The following ZC2HC1C variants were observed in gnomAD, a reference collection of about 807,000 sequenced individuals.
The protein encoded by ZC2HC1C is zinc finger C2HC domain-containing protein 1C.
A neutral mutation model predicts 39.2 loss-of-function variants in ZC2HC1C; 25 were observed. The observed-to-expected ratio is 0.64, with a 90% CI of 0.47 to 0.89. The LOEUF (loss-of-function observed/expected upper bound fraction) is 0.89, where lower values mean the gene tolerates loss of function less well. ZC2HC1C is among the 40% of genes least tolerant of loss of function. The pLI, the probability that ZC2HC1C is intolerant of heterozygous loss-of-function variation, is 0.00. For synonymous variants in ZC2HC1C, 209 were observed against 214.4 expected, an observed-to-expected ratio of 0.97 and a Z score of 0.22; for missense variants, 519 against 548.6, an observed-to-expected ratio of 0.95 and a Z score of 0.54.
At position 75,078,031 on chromosome 14, in the gene ZC2HC1C, T is replaced by C. The variant is rs3742776; in HGVS notation, c.*467T>C. 2.5e-4 allele frequency: 43 copies of C among 168,792 alleles called. No homozygotes were observed. The East Asian group carries it at 6.5e-3, about 26-fold the overall frequency. 10.5% of individuals were successfully genotyped at this position (168,792 alleles called of 1,614,324 possible). Reference sequence around the variant, plus strand: ...ATGCTTTATGTTATTGCCCTCAGAATTGATGGGTGAAGACACTGAAGAGTC... The same window carrying C: ...ATGCTTTATGTTATTGCCCTCAGAACTGATGGGTGAAGACACTGAAGAGTC... On this transcript the variant is annotated 3_prime_UTR_variant, in exon 3 of 3. Coordinates refer to ENST00000524913, the MANE Select transcript of ZC2HC1C (RefSeq NM_024643.4).
chr14:75,071,694 C>T lies in ZC2HC1C; in HGVS notation c.1121C>T (p.Pro374Leu). 1.2e-6 allele frequency: 2 copies of T among 1,614,150 alleles called. No homozygotes were observed. Among genetic ancestry groups the T allele is most frequent in the African/African-American group, 1.3e-5 (1 of 75,062 alleles). Residue 374 changes from proline (P) to leucine (L), a missense_variant, in exon 2 of 3, where the codon CCA (proline) becomes CTA (leucine). Pro to Leu is a moderately conservative substitution (Grantham distance 98). Coordinates refer to ENST00000524913, the MANE Select transcript of ZC2HC1C (RefSeq NM_024643.4). ...AGAAATTCCAGCCTGTCCATGGCAC[C>T]AGACTCCTCAGGTTCCAGCGGCTCC... ...SARNSSLSMA[P>L]DSSGSSGSIE... is the part of the protein sequence containing the mutation.
intron 2 of ZC2HC1C, among the ~76,000 whole-genome samples, chr14:75,074,198 G>A (rs1368892544): frequency 1.3e-5 from 2 of 152,144 alleles, no homozygotes; most frequent in Non-Finnish European, 2.9e-5. Context: ...ATGAGCCACC[G>A]TGCCTGGTCT....
intron 1 of ZC2HC1C, 94 bp from the exon 2 acceptor site, chr14:75,070,461 G>A: frequency 2.1e-6 from 3 of 1,431,126 alleles, no homozygotes; most frequent in Non-Finnish European, 2.8e-6. Flanking sequence ...TTAAGGGAAT[G>A]TGGGCAGGGC....
chr14:75,076,801 T>TA (rs1212566783), intron 2 of ZC2HC1C, among the ~76,000 whole-genome samples: 2 of 152,216 alleles, frequency 1.3e-5, no homozygotes, highest in African/African-American at 4.8e-5. Flanking sequence ...TTTTTCTTGT[T>TA]AGAGCTTTTA....
intron 2 of ZC2HC1C, among the ~76,000 whole-genome samples, chr14:75,075,925 C>T (rs948838176): frequency 9.9e-5 from 15 of 152,048 alleles, no homozygotes; most frequent in Admixed American, 5.9e-4. Flanking sequence ...GGCGTGGTGG[C>T]GCACGCCTGT....
At position 75,071,749 on chromosome 14, in the gene ZC2HC1C, C is replaced by G. The variant is rs1893433062; in HGVS notation, c.1176C>G (p.Ser392Arg). 6.2e-7 allele frequency: 1 copy of G among 1,614,182 alleles called. No homozygotes were observed. Among genetic ancestry groups the G allele is most frequent in the South Asian group, 1.1e-5 (1 of 91,082 alleles). Reference protein sequence around the residue: ...SIEEPQLGECSHCGRKFLSFR... With the variant: ...SIEEPQLGECRHCGRKFLSFR... ...AAGAGCCACAGCTGGGTGAGTGCAG[C>G]CACTGTGGGCGCAAATTCCTCTCGT... The change falls in exon 2 of 3, where the codon AGC (serine) becomes AGG (arginine). Residue 392 changes from serine to arginine, a missense_variant. Coordinates refer to ENST00000524913, the MANE Select transcript of ZC2HC1C (RefSeq NM_024643.4).
chr14:75,074,359 A>T (rs2139681902), intron 2 of ZC2HC1C, among the ~76,000 whole-genome samples: 1 of 152,216 alleles, frequency 6.6e-6, no homozygotes, highest in South Asian at 2.1e-4. Context: ...GATCACCAAG[A>T]GCTAGTTGTC....
At chr14:75,070,406 G>T in intron 1 of ZC2HC1C, 149 bp from the exon 2 acceptor site, 1 of 961,238 alleles carries the variant, frequency 1.0e-6, no homozygotes. Context: ...AATGGTTTTT[G>T]AAGGGAAGCT....
intron 1 of ZC2HC1C, among the ~76,000 whole-genome samples, chr14:75,070,127 C>A (rs1005526608): frequency 3.3e-5 from 5 of 152,270 alleles, no homozygotes; most frequent in African/African-American, 1.2e-4. Context: ...AGCTTTCTCA[C>A]CTGTAAAATG....
intron 2 of ZC2HC1C, among the ~76,000 whole-genome samples, chr14:75,075,654 T>C (rs1019731791): frequency 6.6e-6 from 1 of 152,260 alleles, no homozygotes; most frequent in Non-Finnish European, 1.5e-5. Flanking sequence ...TCTATTTATT[T>C]TGAAATTCTG....
In ZC2HC1C at chr14:75,071,885, A is replaced by C; in HGVS notation, c.1312A>C (p.Asn438His). ...AKGTELEQYL[N>H]WKGPASAKAE... ...GGGCACAGAACTAGAGCAGTACTTG[A>C]ACTGGAAGGGGCCAGCTTCAGCCAA... The change falls in exon 2 of 3, where the codon AAC becomes CAC. Residue 438 changes from asparagine to histidine, a missense_variant. Asn to His is a moderately conservative substitution (Grantham distance 68). Transcript: ENST00000524913. The C allele has an allele frequency of 6.2e-6, 10 of 1,604,294 alleles. No individual in the cohort carries two copies. Among genetic ancestry groups the C allele is most frequent in the African/African-American group, 1.3e-5 (1 of 74,620 alleles).
In ZC2HC1C at chr14:75,071,326, A is replaced by C. The variant is rs1893395008; in HGVS notation, c.753A>C (p.Gln251His). ...TEEELRRIQT[Q>H]KEQAKENENG... The stretch of plus-strand genomic sequence containing the variant: ...AGGAACTCAGAAGGATCCAGACGCA[A>C]AAGGAACAGGCCAAGGAAAATGAAA... The change falls in exon 2 of 3, where the codon CAA becomes CAC. Residue 251 changes from glutamine (Q) to histidine (H), a missense_variant. Transcript: ENST00000524913. 6.2e-7 allele frequency: 1 copy of C among 1,614,062 alleles called. No homozygotes were observed. Among genetic ancestry groups the C allele is most frequent in the Non-Finnish European group, 8.5e-7 (1 of 1,180,024 alleles).
rs958555485 is a variant in ZC2HC1C at position 75,071,731 on chromosome 14, A to C, written c.1158A>C (p.Pro386=). Residue 386 remains proline (P), a synonymous_variant, in exon 2 of 3, where the codon CCA becomes CCC. Transcript: ENST00000524913. ...SSGSSGSIEE[P]QLGECSHCGR... ...GTTCCAGCGGCTCCATTGAAGAGCC[A>C]CAGCTGGGTGAGTGCAGCCACTGTG... is the stretch of plus-strand genomic sequence containing the variant. 10 of 1,614,098 alleles carry C rather than the reference A, an allele frequency of 6.2e-6. No homozygotes were observed. Among genetic ancestry groups the C allele is most frequent in the Non-Finnish European group, 8.5e-6 (10 of 1,180,038 alleles).
In ZC2HC1C at chr14:75,079,591, T is replaced by C. The variant is rs1893809522; in HGVS notation, c.*2027T>C. 6.6e-6 allele frequency: 1 copy of C among 152,234 alleles called. No individual in the cohort carries two copies. The highest frequency in any genetic ancestry group is 1.5e-5 in the Non-Finnish European group (1 of 68,050). The allele number at this position is 152,234 out of a possible 1,614,324, so 9.4% of individuals were successfully genotyped here. On this transcript the variant is annotated 3_prime_UTR_variant, in exon 3 of 3. Transcript: ENST00000524913. ...ACAAAATGGCAACATGTGGATTGCT[T>C]TGCTCCACAGATGTTTTATTTCGCT...
At chr14:75,073,500 C>A in intron 2 of ZC2HC1C, 1 of 1,099,544 alleles carries the variant, frequency 9.1e-7, no homozygotes, top group Admixed American at 2.3e-5. Flanking sequence ...ATTGAGGACA[C>A]CAAGACAGAA....
intron 2 of ZC2HC1C, among the ~76,000 whole-genome samples, chr14:75,074,237 C>G (rs1893560872): frequency 6.6e-6 from 1 of 152,082 alleles, no homozygotes; most frequent in African/African-American, 2.4e-5. Flanking sequence ...TCCTGGATAC[C>G]ATCGCTAATA....
chr14:75,075,616 C>G (rs1893631123), intron 2 of ZC2HC1C, among the ~76,000 whole-genome samples: 1 of 152,094 alleles, frequency 6.6e-6, no homozygotes, highest in African/African-American at 2.4e-5. Flanking sequence ...TTACAAGAAA[C>G]CTTTTTTTTT....
rs770413498 is a variant in ZC2HC1C at position 75,071,071 on chromosome 14, G to A, written c.498G>A (p.Arg166=). 1 of 1,614,142 alleles carries A rather than the reference G, an allele frequency of 6.2e-7. No homozygotes were observed. The highest frequency in any genetic ancestry group is 8.5e-7 in the Non-Finnish European group (1 of 1,180,040). ...ATGGGGACCATAATGTCTACCCAAG[G>A]CCCCCTGAGCCGAGAGAGTTTTCAT... ...GTDGDHNVYP[R]PPEPREFSSR... is the part of the protein sequence containing the mutation. The change falls in exon 2 of 3, where the codon AGG becomes AGA. Residue 166 remains arginine (R), a synonymous_variant. Transcript: ENST00000524913.
intron 1 of ZC2HC1C, among the ~76,000 whole-genome samples, chr14:75,070,222 G>A (rs1207993244): frequency 1.3e-5 from 2 of 152,156 alleles, no homozygotes; most frequent in East Asian, 3.9e-4. Context: ...TCCTGTTACA[G>A]GCCTAGAACC....
Sources: allele counts gnomAD v4.1 joint callset (sites outside exome capture counted in the v4.1 genomes callset), GRCh38; gene constraint gnomAD v4.1.1; transcripts MANE v1.5; gene names NCBI Gene and HGNC (gene_info 2026-07-23, HGNC 2026-07-21).